Variants in RASEF observed in about 807,000 individuals in gnomAD.
The protein encoded by RASEF is RAS and EF-hand domain containing.
A neutral mutation model predicts 90.1 loss-of-function variants in RASEF; 68 were observed. That is an observed-to-expected ratio of 0.75 (90% CI 0.62 to 0.92). The LOEUF is 0.92. Ranked by LOEUF, RASEF falls within the 40% of genes least tolerant of loss-of-function variation. The probability of loss-of-function intolerance (pLI) is 0.00; values close to 1 mark genes in which losing one functional copy is unlikely to be tolerated. For missense variants in RASEF, 949 were observed against 937.2 expected, an observed-to-expected ratio of 1.01 and a Z score of -0.16; for synonymous variants, 331 against 345.2, an observed-to-expected ratio of 0.96 and a Z score of 0.46.
At chr9:83,109,549 C>T in the RASEF span, among the ~76,000 whole-genome samples, 17 of 152,226 alleles carry the variant, frequency 1.1e-4, no homozygotes, top group South Asian at 3.5e-3. Flanking sequence ...TAAGAAAAAC[C>T]TATCTTCACA....
chr9:83,167,252 C>T, the RASEF span, among the ~76,000 whole-genome samples: 3 of 151,804 alleles, frequency 2.0e-5, no homozygotes, highest in South Asian at 6.2e-4. Context: ...AAAAAAAAAT[C>T]TGGTATATTA....
the RASEF span, among the ~76,000 whole-genome samples, chr9:83,112,059 C>T: frequency 6.6e-6 from 1 of 151,886 alleles, no homozygotes; most frequent in Non-Finnish European, 1.5e-5. Context: ...AAATGTTCAA[C>T]TTTGCTATTA....
At chr9:83,209,339 C>A in the RASEF span, among the ~76,000 whole-genome samples, 7 of 152,320 alleles carry the variant, frequency 4.6e-5, no homozygotes, top group Admixed American at 4.6e-4. Flanking sequence ...GAGCTTTAGG[C>A]CATGGGATTG....
chr9:83,166,923 A>T, the RASEF span, among the ~76,000 whole-genome samples: 3 of 152,172 alleles, frequency 2.0e-5, no homozygotes, highest in Non-Finnish European at 4.4e-5. Context: ...CTAAGATATG[A>T]GACTTAAAGA....
chr9:83,151,108 T>A, the RASEF span, among the ~76,000 whole-genome samples: 1 of 152,228 alleles, frequency 6.6e-6, no homozygotes, highest in Non-Finnish European at 1.5e-5. Flanking sequence ...AAGTTGTTTT[T>A]TTTTTTCAGG....
At chr9:83,035,472 C>T (rs888152224) in intron 1 of RASEF, among the ~76,000 whole-genome samples, 21 of 152,190 alleles carry the variant, frequency 1.4e-4, no homozygotes, top group African/African-American at 5.1e-4. Context: ...TTATTCACAT[C>T]GTGCCCCAGG....
At chr9:83,078,997 GGTTTCCTCTGTT>G in the RASEF span, among the ~76,000 whole-genome samples, 4 of 152,098 alleles carry the variant, frequency 2.6e-5, no homozygotes, top group Admixed American at 2.0e-4. Context: ...CCATTCTGTA[GGTTTCCTCTGTT>G]GTTTCCTCTG....
At chr9:83,088,374 A>ATAGATAGATAGATAGG in the RASEF span, among the ~76,000 whole-genome samples, 1 of 139,364 alleles carries the variant, frequency 7.2e-6, no homozygotes, top group Non-Finnish European at 1.6e-5. Context: ...AGATAGATGG[A>ATAGATAGATAGATAGG]TAGATAGATA....
the RASEF span, among the ~76,000 whole-genome samples, chr9:83,215,942 T>C: frequency 6.6e-6 from 1 of 152,182 alleles, no homozygotes; most frequent in South Asian, 2.1e-4. Flanking sequence ...TGGTCTCAGA[T>C]ACAGATAAGG....
the RASEF span, among the ~76,000 whole-genome samples, chr9:83,119,008 C>CTTT: frequency 6.4e-5 from 9 of 141,094 alleles, no homozygotes; most frequent in Non-Finnish European, 9.2e-5. Context: ...TTTTTCTTTT[C>CTTT]TTTTTTTTTT....
the RASEF span, among the ~76,000 whole-genome samples, chr9:83,092,447 A>C: frequency 6.6e-6 from 1 of 151,622 alleles, no homozygotes; most frequent in Admixed American, 6.6e-5. Flanking sequence ...CTGGCTCAGG[A>C]GTGAAGCTGC....
At chr9:83,097,433 C>G in the RASEF span, among the ~76,000 whole-genome samples, 5 of 152,172 alleles carry the variant, frequency 3.3e-5, no homozygotes. Flanking sequence ...AGCTTCTGCA[C>G]AGCAAAAGAA....
chr9:83,060,393 C>A (rs1017246256), intron 1 of RASEF, among the ~76,000 whole-genome samples: 5 of 152,198 alleles, frequency 3.3e-5, no homozygotes, highest in African/African-American at 1.2e-4. Flanking sequence ...TACAAATGTT[C>A]TTTGCCTTTA....
At chr9:83,149,752 G>A in the RASEF span, among the ~76,000 whole-genome samples, 1 of 152,162 alleles carries the variant, frequency 6.6e-6, no homozygotes, top group Non-Finnish European at 1.5e-5. Context: ...GCCAACCGCA[G>A]CAGATTGTTT....
chr9:83,037,731 T>C (rs1587513465), intron 1 of RASEF, among the ~76,000 whole-genome samples: 1 of 147,674 alleles, frequency 6.8e-6, no homozygotes, highest in South Asian at 2.1e-4. Context: ...TAGCAAATCA[T>C]TGTAAATGTC....
chr9:83,147,080 A>AT, the RASEF span, among the ~76,000 whole-genome samples: 1 of 149,954 alleles, frequency 6.7e-6, no homozygotes, highest in African/African-American at 2.4e-5. Flanking sequence ...ATCTCATAAT[A>AT]TTTTTGGAGA....
At chr9:83,146,644 G>A in the RASEF span, among the ~76,000 whole-genome samples, 4 of 152,136 alleles carry the variant, frequency 2.6e-5, no homozygotes, top group East Asian at 3.9e-4. Context: ...CTGTCTGACC[G>A]AAATTTTCAA....
chr9:83,191,748 C>A, the RASEF span, among the ~76,000 whole-genome samples: 1 of 152,248 alleles, frequency 6.6e-6, no homozygotes, highest in African/African-American at 2.4e-5. Context: ...CCTCTCACCT[C>A]CCTCACCCCT....
the RASEF span, among the ~76,000 whole-genome samples, chr9:83,125,443 T>C: frequency 1.3e-5 from 2 of 152,218 alleles, no homozygotes; most frequent in African/African-American, 4.8e-5. Context: ...ATTCGGAATA[T>C]GGCAATTAGT....
Sources: allele counts gnomAD v4.1 joint callset (sites outside exome capture counted in the v4.1 genomes callset), GRCh38; gene constraint gnomAD v4.1.1; transcripts MANE v1.5; gene names NCBI Gene and HGNC (gene_info 2026-07-23, HGNC 2026-07-21).